Variants in GGNBP2 observed in about 807,000 individuals in gnomAD.
GGNBP2 encodes the protein gametogenetin-binding protein 2.
Under a neutral mutation model 85.9 loss-of-function variants are expected in GGNBP2, and 10 were observed. The observed-to-expected ratio is 0.12, with a 90% CI of 0.07 to 0.20. GGNBP2 has a LOEUF of 0.20. Ranked by LOEUF, GGNBP2 falls within the 10% of genes least tolerant of loss-of-function variation. The pLI is 1.00. For synonymous variants in GGNBP2, 287 were observed against 285.7 expected (o/e 1.00, Z -0.05); for missense variants, 595 against 857.8 (o/e 0.69, Z 3.83).
intron 2 of GGNBP2, among the ~76,000 whole-genome samples, chr17:36,548,612 T>A (rs1436154479): frequency 3.7e-5 from 1 of 27,158 alleles, no homozygotes; most frequent in Non-Finnish European, 8.4e-5. Flanking sequence ...CAAGACTCTG[T>A]CTCAAAAAAA....
At chr17:36,582,115 G>A (rs1201130246) in intron 9 of GGNBP2, 1 of 152,232 alleles carries the variant, frequency 6.6e-6, no homozygotes, top group Non-Finnish European at 1.5e-5. Flanking sequence ...GTGGGCTCAA[G>A]CAATTCTCCC....
chr17:36,554,697 T>A, intron 2 of GGNBP2, 123 bp from the exon 3 acceptor site: 1 of 691,438 alleles, frequency 1.4e-6, no homozygotes, highest in Non-Finnish European at 2.6e-6. Context: ...TTTAACAAAA[T>A]TTTTTGAGGG....
At chr17:36,551,866 GTAT>G (rs1425462890) in intron 2 of GGNBP2, among the ~76,000 whole-genome samples, 1 of 152,088 alleles carries the variant, frequency 6.6e-6, no homozygotes, top group East Asian at 1.9e-4. Flanking sequence ...GCAGGTCTCA[GTAT>G]TATTAGATGT....
At chr17:36,569,959 G>C (rs1237783000) in intron 6 of GGNBP2, among the ~76,000 whole-genome samples, 1 of 152,202 alleles carries the variant, frequency 6.6e-6, no homozygotes, top group Non-Finnish European at 1.5e-5. Flanking sequence ...GAGAAAGTAT[G>C]GTTGAGAGTA....
rs535686057 is a variant in GGNBP2 at position 36,581,460 on chromosome 17, T to A, written c.1137T>A (p.Asn379Lys). Reference sequence around the variant, plus strand: ...AAAAGAAACGCCAAAAACGGAAGAATAGACGAAAAAATAAGTGTGTGTGTG... The same window carrying A: ...AAAAGAAACGCCAAAAACGGAAGAAAAGACGAAAAAATAAGTGTGTGTGTG... ...KQEKKRQKRK[N>K]RRKNKCVCDI... The change falls in exon 9 of 14, where the codon AAT becomes AAA. Residue 379 changes from asparagine to lysine, a missense_variant. This residue lies in a region of GGNBP2 where 92 missense variants were observed against 183.9 expected (regional missense o/e 0.50). Coordinates refer to ENST00000613102, the MANE Select transcript of GGNBP2 (RefSeq NM_024835.5). 3 of 1,613,676 alleles carry A rather than the reference T, an allele frequency of 1.9e-6. No individual in the cohort carries two copies. Among genetic ancestry groups the A allele is most frequent in the Admixed American group, 1.7e-5 (1 of 59,960 alleles).
At chr17:36,567,544 A>G in intron 5 of GGNBP2, 119 bp from the exon 6 acceptor site, 1 of 617,204 alleles carries the variant, frequency 1.6e-6, no homozygotes, top group South Asian at 2.0e-5. Context: ...ATTTTCCATT[A>G]TGGACGTTTC....
intron 8 of GGNBP2, among the ~76,000 whole-genome samples, chr17:36,580,293 C>T (rs568023728): frequency 6.6e-6 from 1 of 151,206 alleles, no homozygotes; most frequent in African/African-American, 2.4e-5. Flanking sequence ...CTGCAAGCTC[C>T]ACCTCCTGGG....
intron 7 of GGNBP2, 107 bp downstream of exon 7, chr17:36,578,293 T>G: frequency 1.3e-6 from 1 of 775,360 alleles, no homozygotes; most frequent in Non-Finnish European, 2.0e-6. Context: ...GATATATGTA[T>G]AAATTAAAGT....
chr17:36,566,287 CA>C (rs2074467875), intron 5 of GGNBP2, among the ~76,000 whole-genome samples: 1 of 152,152 alleles, frequency 6.6e-6, no homozygotes, highest in Admixed American at 6.5e-5. Context: ...TGCAACAAAG[CA>C]AAATGTGTGG....
At chr17:36,547,062 AAAG>A (rs1294792846) in intron 2 of GGNBP2, 1 of 152,232 alleles carries the variant, frequency 6.6e-6, no homozygotes, top group Non-Finnish European at 1.5e-5. Context: ...TTTCATGAAA[AAAG>A]GTAGAATGAT....
intron 2 of GGNBP2, among the ~76,000 whole-genome samples, chr17:36,551,192 A>G (rs2074304691): frequency 6.7e-6 from 1 of 150,232 alleles, no homozygotes; most frequent in African/African-American, 2.4e-5. Context: ...TTTAAAAATA[A>G]CCGTGTTCTT....
chr17:36,545,928 C>T (rs931579301), intron 2 of GGNBP2, 111 bp downstream of exon 2: 2 of 731,256 alleles, frequency 2.7e-6, no homozygotes, highest in East Asian at 2.9e-5. Context: ...GTTGCAACTC[C>T]TAGGCGAGGC....
In GGNBP2 at chr17:36,563,731, T is replaced by C. The variant is rs866384398; in HGVS notation, c.527+2860T>C. ...TGCTTGATTTGTCAGTATCTTTTTT[T>C]TTTCTTTCTTTCAAATTCTTTTTTT... On this transcript the variant is annotated intron_variant, in intron 5 of 13. Coordinates refer to ENST00000613102, the MANE Select transcript of GGNBP2 (RefSeq NM_024835.5). 4.0e-5 allele frequency among the ~76,000 whole-genome samples: 6 copies of C among 151,892 alleles called. 1 individual carries two copies. Among genetic ancestry groups the C allele is most frequent in the Middle Eastern group, 6.8e-3 (2 of 294 alleles).
chr17:36,549,614 C>CAT (rs60004774), intron 2 of GGNBP2, among the ~76,000 whole-genome samples: 7 of 151,898 alleles, frequency 4.6e-5, no homozygotes, highest in Non-Finnish European at 1.0e-4. Context: ...CCTAGACACA[C>CAT]AGATACAGTT....
At chr17:36,554,136 C>A (rs547654660) in intron 2 of GGNBP2, among the ~76,000 whole-genome samples, 2 of 151,626 alleles carry the variant, frequency 1.3e-5, no homozygotes, top group South Asian at 2.1e-4. Flanking sequence ...TGGTGAAAAC[C>A]CATCTCTACT....
At chr17:36,572,549 C>T (rs967616008) in intron 6 of GGNBP2, among the ~76,000 whole-genome samples, 4 of 151,984 alleles carry the variant, frequency 2.6e-5, no homozygotes, top group African/African-American at 9.7e-5. Context: ...ATTAGCCATG[C>T]GTGGTGGCAC....
chr17:36,575,937 G>A (rs1270507535), intron 6 of GGNBP2, among the ~76,000 whole-genome samples: 4 of 150,310 alleles, frequency 2.7e-5, no homozygotes, highest in African/African-American at 7.4e-5. Context: ...GTGAGCCACC[G>A]CGCCCAGCCC....
chr17:36,566,325 G>A (rs2074468217), intron 5 of GGNBP2, among the ~76,000 whole-genome samples: 1 of 152,178 alleles, frequency 6.6e-6, no homozygotes. Flanking sequence ...GTTGAACCCT[G>A]TTGGGGAGGG....
chr17:36,562,780 C>T (rs2074430303), intron 5 of GGNBP2, among the ~76,000 whole-genome samples: 1 of 150,062 alleles, frequency 6.7e-6, no homozygotes, highest in African/African-American at 2.5e-5. Context: ...GCCTGACCAA[C>T]ATGGGGAAAC....
Sources: allele counts gnomAD v4.1 joint callset (sites outside exome capture counted in the v4.1 genomes callset), GRCh38; gene constraint gnomAD v4.1.1; regional missense constraint gnomAD v4.1.1; transcripts MANE v1.5; gene names NCBI Gene and HGNC (gene_info 2026-07-23, HGNC 2026-07-21).